Variants in RASSF3 observed in about 807,000 individuals in gnomAD.
RASSF3 encodes the protein Ras association domain family member 3, also known as ras association domain-containing protein 3.
In RASSF3, 19 loss-of-function variants were observed where a neutral mutation model predicts 19.9. The observed-to-expected ratio is 0.96, with a 90% CI of 0.67 to 1.40. The LOEUF (loss-of-function observed/expected upper bound fraction) is 1.40, where lower values mean the gene tolerates loss of function less well. Ranked by LOEUF, RASSF3 falls within the 40% of genes most tolerant of loss-of-function variation. RASSF3 has a pLI of 0.00. For synonymous variants in RASSF3, 110 were observed against 104.2 expected, an observed-to-expected ratio of 1.06 and a Z score of -0.34; for missense variants, 306 against 289.8, an observed-to-expected ratio of 1.06 and a Z score of -0.41.
chr12:64,636,046 G>C (rs1274722286), intron 1 of RASSF3, among the ~76,000 whole-genome samples: 2 of 152,000 alleles, frequency 1.3e-5, no homozygotes, highest in Non-Finnish European at 2.9e-5. Flanking sequence ...GGGTGGAAAT[G>C]ATAATGATTG....
intron 1 of RASSF3, among the ~76,000 whole-genome samples, chr12:64,651,269 A>G (rs1301224213): frequency 6.6e-6 from 1 of 152,206 alleles, no homozygotes; most frequent in African/African-American, 2.4e-5. Context: ...AGATATGTGG[A>G]GAGACAATAA....
At chr12:64,578,988 G>A (rs1451289548) in intron 2 of RASSF3, among the ~76,000 whole-genome samples, 1 of 152,082 alleles carries the variant, frequency 6.6e-6, no homozygotes, top group South Asian at 2.1e-4. Context: ...TTAGCTGGGT[G>A]TGGTGGCGCA....
In RASSF3 at chr12:64,658,245, A is replaced by G. The variant is rs371699915; in HGVS notation, c.112-26542A>G. ...TTAAAGCTAGAGTGTCTCTAAAAGAATGAGACTTGTTTATAGCCTAAAAAT... is the reference window on the plus strand; with the variant it reads ...TTAAAGCTAGAGTGTCTCTAAAAGAGTGAGACTTGTTTATAGCCTAAAAAT... On this transcript the variant is annotated intron_variant, in intron 1 of 4. Transcript: ENST00000542104. Among the ~76,000 whole-genome samples the G allele has an allele frequency of 3.2e-4, 48 of 152,260 alleles. 1 individual carries two copies. Among genetic ancestry groups the G allele is most frequent in the African/African-American group, 9.4e-4 (39 of 41,562 alleles).
intron 2 of RASSF3, among the ~76,000 whole-genome samples, chr12:64,577,705 C>T (rs1869619434): frequency 6.6e-6 from 1 of 152,094 alleles, no homozygotes; most frequent in African/African-American, 2.4e-5. Context: ...GCACTTCAGC[C>T]TGGGTAACAG....
At chr12:64,666,347 A>G (rs185098241) in intron 1 of RASSF3, among the ~76,000 whole-genome samples, 53 of 148,980 alleles carry the variant, frequency 3.6e-4, no homozygotes, top group Non-Finnish European at 7.3e-4. Flanking sequence ...TAGATTTGAA[A>G]TAGTTTTCTT....
chr12:64,514,313 A>G (rs1868347665), intron 1 of RASSF3, among the ~76,000 whole-genome samples: 1 of 147,748 alleles, frequency 6.8e-6, no homozygotes, highest in African/African-American at 2.5e-5. Flanking sequence ...TAGCCTCCCG[A>G]GTAGCTGGGA....
intron 1 of RASSF3, among the ~76,000 whole-genome samples, chr12:64,634,786 AAAAAT>A (rs1871278924): frequency 7.4e-6 from 1 of 135,312 alleles, no homozygotes; most frequent in Non-Finnish European, 1.6e-5. Context: ...AAAAAAAAAA[AAAAAT>A]TAGCAGAATT....
At chr12:64,556,779 G>A (rs887782725) in intron 2 of RASSF3, among the ~76,000 whole-genome samples, 1 of 151,358 alleles carries the variant, frequency 6.6e-6, no homozygotes, top group Non-Finnish European at 1.5e-5. Context: ...AGCTGCAGTT[G>A]GTCTCAGGGG....
At chr12:64,671,383 C>T (rs1477182735) in intron 1 of RASSF3, among the ~76,000 whole-genome samples, 2 of 152,126 alleles carry the variant, frequency 1.3e-5, no homozygotes, top group African/African-American at 4.8e-5. Context: ...GCCTCCCTGG[C>T]CTCGCCTCTT....
chr12:64,531,863 A>C (rs1868715579), upstream of RASSF3, among the ~76,000 whole-genome samples: 1 of 152,228 alleles, frequency 6.6e-6, no homozygotes, highest in Admixed American at 6.5e-5. Context: ...GAGCCAGCTG[A>C]GAAATAAGAA....
rs913978395 is a variant in RASSF3 at position 64,695,056 on chromosome 12, G to A, written c.*144G>A. On this transcript the variant is annotated 3_prime_UTR_variant, in exon 5 of 5. Transcript: ENST00000542104. ...TCTGTAGATTTTGTTCCCCAAACCT[G>A]GTCACACAGCATCCTGCACCTTAGC... is the stretch of plus-strand genomic sequence containing the variant. 12 of 824,022 alleles carry A rather than the reference G, an allele frequency of 1.5e-5. No individual in the cohort carries two copies. The highest frequency in any genetic ancestry group is 1.9e-5 in the Non-Finnish European group (10 of 538,924). The allele number at this position is 824,022 out of a possible 1,614,324, so 51.0% of individuals were successfully genotyped here.
chr12:64,584,853 T>A (rs1248836456), intron 2 of RASSF3, among the ~76,000 whole-genome samples: 1 of 145,538 alleles, frequency 6.9e-6, no homozygotes, highest in Admixed American at 7.0e-5. Context: ...GTTCTCAGGA[T>A]CACCCTGGAA....
intron 1 of RASSF3, among the ~76,000 whole-genome samples, chr12:64,508,702 T>G (rs1868307138): frequency 6.6e-6 from 1 of 151,934 alleles, no homozygotes; most frequent in African/African-American, 2.4e-5. Context: ...CTGACCAACA[T>G]GGAGAAACCC....
At chr12:64,565,884 G>GAA (rs35479688) in intron 2 of RASSF3, among the ~76,000 whole-genome samples, 1,430 of 126,534 alleles carry the variant, frequency 0.011, 25 homozygotes, top group Middle Eastern at 0.028. Context: ...CTTCGTCTCA[G>GAA]AAAAAAAAAA....
At chr12:64,600,882 T>C (rs1368636840) in intron 2 of RASSF3, among the ~76,000 whole-genome samples, 2 of 152,240 alleles carry the variant, frequency 1.3e-5, no homozygotes, top group East Asian at 1.9e-4. Flanking sequence ...TTTTTAGATA[T>C]AGAGGTGCTA....
At chr12:64,598,010 C>T (rs947319024) in intron 2 of RASSF3, among the ~76,000 whole-genome samples, 2 of 152,120 alleles carry the variant, frequency 1.3e-5, no homozygotes, top group Non-Finnish European at 2.9e-5. Flanking sequence ...CTCTGCCTCC[C>T]GGGTTCAAGC....
chr12:64,593,472 C>T (rs1405738027), intron 2 of RASSF3, among the ~76,000 whole-genome samples: 1 of 152,152 alleles, frequency 6.6e-6, no homozygotes, highest in African/African-American at 2.4e-5. Context: ...CTGCCCACCT[C>T]AGCCTCCCAA....
chr12:64,684,154 A>G (rs1043262034), intron 1 of RASSF3, among the ~76,000 whole-genome samples: 1 of 145,626 alleles, frequency 6.9e-6, no homozygotes, highest in Non-Finnish European at 1.5e-5. Context: ...TGGCATAATT[A>G]TGGCTCACTA....
At chr12:64,585,908 G>A (rs1231710395) in intron 2 of RASSF3, among the ~76,000 whole-genome samples, 1 of 152,138 alleles carries the variant, frequency 6.6e-6, no homozygotes, top group African/African-American at 2.4e-5. Context: ...ACCTGGCCAA[G>A]TCTTTAACAA....
Sources: gnomAD v4.1 joint callset for allele counts (sites outside exome capture counted in the v4.1 genomes callset) on GRCh38, gnomAD v4.1.1 for gene constraint, MANE v1.5 for transcripts, NCBI Gene and HGNC (gene_info 2026-07-23, HGNC 2026-07-21) for gene names.